The following SASS6 variants were observed in gnomAD, a reference collection of about 807,000 sequenced individuals.
The protein encoded by SASS6 is SAS-6 centriolar assembly protein, also known as spindle assembly abnormal protein 6 homolog.
In SASS6, 59 loss-of-function variants were observed where a neutral mutation model predicts 94.9. The observed-to-expected ratio is 0.62, with a 90% confidence interval of 0.50 to 0.77. SASS6 has a LOEUF of 0.77. SASS6 is among the 30% of genes least tolerant of loss of function. The probability of loss-of-function intolerance (pLI) is 0.00; values close to 1 mark genes in which losing one functional copy is unlikely to be tolerated. For synonymous variants in SASS6, 264 were observed against 270.0 expected, an observed-to-expected ratio of 0.98 and a Z score of 0.22; for missense variants, 698 against 734.1, an observed-to-expected ratio of 0.95 and a Z score of 0.57.
Position 100,107,079 on chromosome 1 carries a change from T to G in SASS6, c.1327-86A>C, listed in dbSNP as rs963351616. ...AATGTATTATTATTAACTAAATAATTACATAAATGGTTACTACTACTATTA... is the reference window on the plus strand; with the variant it reads ...AATGTATTATTATTAACTAAATAATGACATAAATGGTTACTACTACTATTA... On this transcript the variant is annotated intron_variant, in intron 11 of 16. Coordinates refer to ENST00000287482, the MANE Select transcript of SASS6 (RefSeq NM_194292.3). The G allele has an allele frequency of 2.5e-5, 16 of 640,748 alleles. No individual in the cohort carries two copies. In the East Asian group the frequency reaches 4.5e-4, roughly 18 times the overall value. The allele number at this position is 640,748 out of a possible 1,614,324, so 39.7% of individuals were successfully genotyped here. A position where few individuals can be genotyped will look rare whatever the true frequency, so the allele number is the denominator to read the frequency against.
intron 14 of SASS6, among the ~76,000 whole-genome samples, chr1:100,093,437 G>C (rs1297108404): frequency 6.6e-6 from 1 of 152,164 alleles, no homozygotes; most frequent in African/African-American, 2.4e-5. Flanking sequence ...TTAGGACGTA[G>C]TCTATCTTGG....
In SASS6 at chr1:100,123,389, T is replaced by C. The variant is rs1654349952; in HGVS notation, c.127-100A>G. 2.5e-5 allele frequency: 15 copies of C among 593,272 alleles called. 1 individual carries two copies. In the South Asian group the frequency reaches 3.1e-4, roughly 12 times the overall value. The allele number at this position is 593,272 out of a possible 1,614,324, so 36.8% of individuals were successfully genotyped here. A position where few individuals can be genotyped will look rare whatever the true frequency, so the allele number is the denominator to read the frequency against. ...GAAATCCAACAACATCAGTGTATCA[T>C]AGTTATATTGCAGACAGCTTTGTTT... On this transcript the variant is annotated intron_variant, in intron 2 of 16. Transcript: ENST00000287482.
At chr1:100,132,365 G>A (rs879488394) in intron 1 of SASS6, among the ~76,000 whole-genome samples, 1 of 152,228 alleles carries the variant, frequency 6.6e-6, no homozygotes, top group East Asian at 1.9e-4. Flanking sequence ...CGGAGCCAAG[G>A]CCTGAGTTCT....
At chr1:100,119,390 G>A (rs1654007989) in intron 6 of SASS6, among the ~76,000 whole-genome samples, 1 of 152,102 alleles carries the variant, frequency 6.6e-6, no homozygotes, top group African/African-American at 2.4e-5. Context: ...AATTAAATCT[G>A]GCTCTTTACC....
chr1:100,115,568 T>G (rs1653731994), intron 7 of SASS6, among the ~76,000 whole-genome samples: 1 of 152,176 alleles, frequency 6.6e-6, no homozygotes, highest in African/African-American at 2.4e-5. Flanking sequence ...TGGCTCATGT[T>G]GGTAATCTCA....
At chr1:100,109,474 A>T (rs1653142911) in intron 8 of SASS6, among the ~76,000 whole-genome samples, 1 of 152,108 alleles carries the variant, frequency 6.6e-6, no homozygotes, top group African/African-American at 2.4e-5. Context: ...GCAAGATTTT[A>T]AAAATTTCTG....
intron 2 of SASS6, among the ~76,000 whole-genome samples, chr1:100,125,091 G>T (rs186430414): frequency 1.2e-3 from 175 of 152,070 alleles, no homozygotes; most frequent in Non-Finnish European, 1.8e-3. Flanking sequence ...ACTTTTGAAG[G>T]TTATATGAGA....
chr1:100,130,493 C>A (rs1209266398), intron 1 of SASS6, among the ~76,000 whole-genome samples: 1 of 152,004 alleles, frequency 6.6e-6, no homozygotes, highest in Non-Finnish European at 1.5e-5. Flanking sequence ...CCAGCCTGGG[C>A]AATACAGGGA....
At chr1:100,120,252 G>A (rs542299148) in intron 6 of SASS6, 142 bp downstream of exon 6, 42 of 586,244 alleles carry the variant, frequency 7.2e-5, no homozygotes, top group African/African-American at 6.6e-4. Flanking sequence ...TTAAGTGGTA[G>A]TTGAAGGGTG....
chr1:100,130,546 A>T (rs772686086), intron 1 of SASS6, among the ~76,000 whole-genome samples: 1 of 152,080 alleles, frequency 6.6e-6, no homozygotes, highest in Non-Finnish European at 1.5e-5. Context: ...AAAAAAAGCC[A>T]GGCGTGGTGG....
At position 100,123,253 on chromosome 1, in the gene SASS6, A is replaced by G; in HGVS notation, c.163T>C (p.Phe55Leu). 1 of 1,562,856 alleles carries G rather than the reference A, an allele frequency of 6.4e-7. No homozygotes were observed. The highest frequency in any genetic ancestry group is 8.8e-7 in the Non-Finnish European group (1 of 1,141,870). The change falls in exon 3 of 17, where the codon TTT (phenylalanine) becomes CTT (leucine). Residue 55 changes from phenylalanine to leucine, a missense_variant. Coordinates refer to ENST00000287482, the MANE Select transcript of SASS6 (RefSeq NM_194292.3). ...GATATAACAAGGTTATATAAAAAAA[A>G]TGGATCCGTGTCATCAGTCAGACGA... ...VIRLTDDTDP[F>L]FLYNLVISEE...
chr1:100,106,170 G>C (rs868391283), intron 12 of SASS6, among the ~76,000 whole-genome samples: 23 of 152,170 alleles, frequency 1.5e-4, no homozygotes, highest in Admixed American at 5.2e-4. Flanking sequence ...TTCACTTCTA[G>C]AATATCTTAC....
At chr1:100,122,947 T>C (rs1279956327) in intron 3 of SASS6, among the ~76,000 whole-genome samples, 4 of 133,144 alleles carry the variant, frequency 3.0e-5, no homozygotes, top group Non-Finnish European at 4.8e-5. Flanking sequence ...GGAACTCTGA[T>C]TTTTATAGAA....
intron 14 of SASS6, among the ~76,000 whole-genome samples, chr1:100,089,910 AAAG>A (rs1172283726): frequency 6.6e-6 from 1 of 152,028 alleles, no homozygotes; most frequent in Non-Finnish European, 1.5e-5. Flanking sequence ...AGAAAAAAAA[AAAG>A]TAGAGCTTAT....
At chr1:100,090,776 AG>A (rs894524149) in intron 14 of SASS6, among the ~76,000 whole-genome samples, 1 of 152,136 alleles carries the variant, frequency 6.6e-6, no homozygotes, top group African/African-American at 2.4e-5. Flanking sequence ...AAGACCAGGA[AG>A]GGGGACCCTA....
At chr1:100,099,676 C>T (rs954992847) in intron 14 of SASS6, among the ~76,000 whole-genome samples, 2 of 152,164 alleles carry the variant, frequency 1.3e-5, no homozygotes, top group Admixed American at 6.5e-5. Flanking sequence ...TGAAAAAGGA[C>T]AGCTGTTTCT....
rs771393517 is a variant in SASS6, at chr1:100,121,510, A to T, written c.351T>A (p.Asp117Glu). Residue 117 changes from aspartate to glutamate, a missense_variant, in exon 5 of 17, where the codon GAT (aspartate) becomes GAA (glutamate). Physicochemically the swap from Asp to Glu is conservative, Grantham distance 45. Coordinates refer to ENST00000287482, the MANE Select transcript of SASS6 (RefSeq NM_194292.3). ...CCACATTTAAAAATGCAGGTGAGTTATCCAAAATAGCTGCTGGAGAAACTA... is the reference window on the plus strand; with the variant it reads ...CCACATTTAAAAATGCAGGTGAGTTTTCCAAAATAGCTGCTGGAGAAACTA... Reference protein sequence around the residue: ...LQLVSPAAILDNSPAFLNVVE... With the variant: ...LQLVSPAAILENSPAFLNVVE... 1 of 1,600,288 alleles carries T rather than the reference A, an allele frequency of 6.2e-7. No homozygotes were observed.
Position 100,108,443 on chromosome 1 carries a change from ATCTT to A in SASS6, c.862-443_862-440del, listed in dbSNP as rs939818203. Among the ~76,000 whole-genome samples, 44 of 152,202 alleles carry A rather than the reference ATCTT, an allele frequency of 2.9e-4. 1 individual carries two copies. The highest frequency in any genetic ancestry group is 1.0e-3 in the African/African-American group (43 of 41,534). ...TCTACCTTCTTCACGTATTACAAAT[ATCTT>A]TCTATGTCAATAAATGTTAACATTT... is the stretch of plus-strand genomic sequence containing the variant. On this transcript the variant is annotated intron_variant, in intron 8 of 16. Coordinates refer to ENST00000287482, the MANE Select transcript of SASS6 (RefSeq NM_194292.3).
At chr1:100,092,661 C>T (rs986151936) in intron 14 of SASS6, among the ~76,000 whole-genome samples, 14 of 152,022 alleles carry the variant, frequency 9.2e-5, no homozygotes, top group South Asian at 2.1e-4. Context: ...CTGCAACCTC[C>T]GCCTCCCGAG....
Sources: allele counts gnomAD v4.1 joint callset (sites outside exome capture counted in the v4.1 genomes callset), GRCh38; gene constraint gnomAD v4.1.1; transcripts MANE v1.5; gene names NCBI Gene and HGNC (gene_info 2026-07-23, HGNC 2026-07-21).